The following PCMT1 variants were observed in gnomAD, a reference collection of about 807,000 sequenced individuals.
PCMT1 encodes protein-L-isoaspartate (D-aspartate) O-methyltransferase.
PCMT1 carries 9 observed loss-of-function variants against 29.2 expected under a neutral mutation model. The ratio of observed to expected loss-of-function variants is 0.31; its 90% CI spans 0.19 to 0.54. The LOEUF is 0.54. PCMT1 is among the 20% of genes least tolerant of loss of function. The probability of loss-of-function intolerance (pLI) is 0.95; values close to 1 mark genes in which losing one functional copy is unlikely to be tolerated. For missense variants in PCMT1, 184 were observed against 282.2 expected, an observed-to-expected ratio of 0.65 and a Z score of 2.49; for synonymous variants, 98 against 97.5, an observed-to-expected ratio of 1.00 and a Z score of -0.03.
At chr6:149,781,141 TC>T in intron 3 of PCMT1, among the ~76,000 whole-genome samples, 1 of 151,936 alleles carries the variant, frequency 6.6e-6, no homozygotes, top group South Asian at 2.1e-4. Context: ...TTTGGCCATT[TC>T]TGTATCTTCT....
chr6:149,796,275 C>A, intron 5 of PCMT1, 140 bp from the exon 6 acceptor site: 1 of 501,458 alleles, frequency 2.0e-6, no homozygotes, highest in Non-Finnish European at 3.6e-6. Context: ...TTAAAAACAG[C>A]AAAAAAGTGA....
chr6:149,799,002 AG>A (rs1788719474), intron 6 of PCMT1: 1 of 152,194 alleles, frequency 6.6e-6, no homozygotes, highest in Non-Finnish European at 1.5e-5. Flanking sequence ...TCAGAATATT[AG>A]GGGATAAAGA....
intron 1 of PCMT1, among the ~76,000 whole-genome samples, chr6:149,770,509 A>C (rs1006858269): frequency 6.6e-6 from 1 of 152,156 alleles, no homozygotes; most frequent in Non-Finnish European, 1.5e-5. Context: ...GATGAAGGCC[A>C]GCCTGGCTAA....
At chr6:149,766,571 A>G (rs1335906977) in intron 1 of PCMT1, among the ~76,000 whole-genome samples, 1 of 152,214 alleles carries the variant, frequency 6.6e-6, no homozygotes, top group Non-Finnish European at 1.5e-5. Flanking sequence ...TGGTTTTATA[A>G]ATTTTTATTG....
chr6:149,768,176 C>G (rs1787169821), intron 1 of PCMT1, among the ~76,000 whole-genome samples: 3 of 152,006 alleles, frequency 2.0e-5, no homozygotes, highest in Admixed American at 2.0e-4. Flanking sequence ...ACTGTAGCCT[C>G]AACTTACTGA....
intron 7 of PCMT1, among the ~76,000 whole-genome samples, chr6:149,804,749 G>A (rs1016560209): frequency 5.9e-5 from 9 of 151,962 alleles, no homozygotes; most frequent in Admixed American, 3.3e-4. Context: ...TGATCTGCCC[G>A]CCTCGGCCTC....
chr6:149,798,259 C>A (rs1016777855), intron 6 of PCMT1: 2 of 150,928 alleles, frequency 1.3e-5, no homozygotes, highest in Non-Finnish European at 2.9e-5. Flanking sequence ...AAGTCATAAA[C>A]GAACAGCTCA....
intron 1 of PCMT1, among the ~76,000 whole-genome samples, chr6:149,761,026 AGTGTGT>A (rs57501586): frequency 0.025 from 3,806 of 149,726 alleles, 82 homozygotes; most frequent in Admixed American, 0.069. Flanking sequence ...CAGGTAAAAA[AGTGTGT>A]GTGTGTGTGT....
chr6:149,803,699 TA>T (rs1404896267), intron 7 of PCMT1, among the ~76,000 whole-genome samples: 3 of 149,494 alleles, frequency 2.0e-5, no homozygotes, highest in Non-Finnish European at 4.4e-5. Context: ...TCTTAATAAG[TA>T]AAAGGGGTGA....
intron 1 of PCMT1, among the ~76,000 whole-genome samples, chr6:149,768,513 A>G (rs991489827): frequency 7.4e-6 from 1 of 135,866 alleles, no homozygotes; most frequent in African/African-American, 2.8e-5. Context: ...GCGCAGTGGC[A>G]TGATCTTGAC....
chr6:149,782,737 T>A (rs986410424), intron 3 of PCMT1, among the ~76,000 whole-genome samples: 2 of 151,476 alleles, frequency 1.3e-5, no homozygotes, highest in African/African-American at 4.9e-5. Context: ...AACAAAAATT[T>A]GTGAGTCTAT....
chr6:149,773,157 T>C lies in PCMT1; in HGVS notation c.180T>C (p.Ser60=), dbSNP rs1273984625. ...PQSIGFQATI[S]APHMHAYALE... ...TTGCAGGTTTCCAAGCAACAATCAGTGCTCCACACATGGTAAGTTAAGTTT... is the reference window on the plus strand; with the variant it reads ...TTGCAGGTTTCCAAGCAACAATCAGCGCTCCACACATGGTAAGTTAAGTTT... The change falls in exon 3 of 8, where the codon AGT becomes AGC. Residue 60 remains serine, a synonymous_variant. Transcript: ENST00000464889. 1 of 1,611,116 alleles carries C rather than the reference T, an allele frequency of 6.2e-7. No homozygotes were observed. The highest frequency in any genetic ancestry group is 1.1e-5 in the South Asian group (1 of 90,682).
At chr6:149,779,669 G>A (rs55763431) in intron 3 of PCMT1, among the ~76,000 whole-genome samples, 81,051 of 151,924 alleles carry the variant, frequency 0.53, 24,807 homozygotes, top group East Asian at 0.83. Flanking sequence ...AATTAGCCAC[G>A]TGTGGTGGCA....
intron 3 of PCMT1, among the ~76,000 whole-genome samples, chr6:149,775,498 G>A (rs1055093666): frequency 6.6e-6 from 1 of 152,068 alleles, no homozygotes; most frequent in Non-Finnish European, 1.5e-5. Flanking sequence ...TAGAAGCCAG[G>A]AGTTTGAGAC....
intron 7 of PCMT1, among the ~76,000 whole-genome samples, chr6:149,809,258 C>CAAAAAAA (rs1209712068): frequency 2.3e-4 from 11 of 47,066 alleles, no homozygotes; most frequent in South Asian, 1.3e-3. Context: ...GACTCTGTCT[C>CAAAAAAA]AAAAAAAAAA....
chr6:149,750,479 G>T (rs1217867375), intron 1 of PCMT1, among the ~76,000 whole-genome samples: 1 of 152,114 alleles, frequency 6.6e-6, no homozygotes, highest in Admixed American at 6.5e-5. Context: ...AGATGCCACC[G>T]TCTGATACAG....
At chr6:149,772,636 T>C (rs1347121140) in intron 2 of PCMT1, 1 of 440,546 alleles carries the variant, frequency 2.3e-6, no homozygotes, top group South Asian at 1.6e-5. Flanking sequence ...CCCTTTGGCA[T>C]GATTATATTT....
intron 7 of PCMT1, among the ~76,000 whole-genome samples, chr6:149,808,379 A>G (rs1350155431): frequency 6.6e-6 from 1 of 152,166 alleles, no homozygotes; most frequent in Non-Finnish European, 1.5e-5. Context: ...GGGAAAATTT[A>G]ATAACTTGAA....
chr6:149,794,553 G>A (rs959498727), intron 5 of PCMT1, among the ~76,000 whole-genome samples: 1 of 152,182 alleles, frequency 6.6e-6, no homozygotes, highest in Non-Finnish European at 1.5e-5. Flanking sequence ...GAGAGGTGGA[G>A]GTTGCAGTAA....
Sources: gnomAD v4.1 joint callset for allele counts (sites outside exome capture counted in the v4.1 genomes callset) on GRCh38, gnomAD v4.1.1 for gene constraint, MANE v1.5 for transcripts, NCBI Gene and HGNC (gene_info 2026-07-23, HGNC 2026-07-21) for gene names.